The following GRIN3A variants were observed in gnomAD, a reference collection of about 807,000 sequenced individuals.
GRIN3A encodes the protein glutamate ionotropic receptor NMDA type subunit 3A.
A neutral mutation model predicts 92.4 loss-of-function variants in GRIN3A; 47 were observed. The observed-to-expected ratio is 0.51, with a 90% CI of 0.40 to 0.65. The LOEUF is 0.65. Ranked by LOEUF, GRIN3A falls within the 30% of genes least tolerant of loss-of-function variation. The pLI is 0.00. For missense variants in GRIN3A, 1,324 were observed against 1,393.1 expected (o/e 0.95, Z 0.79); for synonymous variants, 527 against 540.6 (o/e 0.97, Z 0.35).
intron 6 of GRIN3A, among the ~76,000 whole-genome samples, chr9:101,584,968 C>T (rs1017373360): frequency 1.3e-5 from 2 of 152,182 alleles, no homozygotes; most frequent in African/African-American, 2.4e-5. Context: ...CTTCCTTGTG[C>T]CCATTCCACA....
At chr9:101,650,066 A>G (rs1828994768) in intron 3 of GRIN3A, among the ~76,000 whole-genome samples, 1 of 152,088 alleles carries the variant, frequency 6.6e-6, no homozygotes, top group Non-Finnish European at 1.5e-5. Flanking sequence ...TCAGATTTCC[A>G]TGACAACTTT....
chr9:101,737,712 C>CCGGG lies in GRIN3A; in HGVS notation c.264_267dup (p.Ala90ProfsTer24). 3.9e-6 allele frequency: 6 copies of CCGGG among 1,530,226 alleles called. No homozygotes were observed. The highest frequency in any genetic ancestry group is 5.2e-6 in the Non-Finnish European group (6 of 1,144,696). The allele number at this position is 1,530,226 out of a possible 1,614,324, so 94.8% of individuals were successfully genotyped here. A position where few individuals can be genotyped will look rare whatever the true frequency, so the allele number is the denominator to read the frequency against. ...AACCAGCGTGCGCCCGGCGAGGGCGCCGGGGACCGCCTAGTCCCTGGCTCC... is the reference window on the plus strand; with the variant it reads ...AACCAGCGTGCGCCCGGCGAGGGCGCCGGGCGGGGACCGCCTAGTCCCTGGCTCC... On this transcript the variant is annotated frameshift_variant, in exon 1 of 9. Coordinates refer to ENST00000361820, the MANE Select transcript of GRIN3A (RefSeq NM_133445.3). LOFTEE classifies it high-confidence loss of function.
intron 3 of GRIN3A, among the ~76,000 whole-genome samples, chr9:101,631,938 C>T (rs1358084556): frequency 6.6e-6 from 1 of 152,122 alleles, no homozygotes; most frequent in Admixed American, 6.5e-5. Flanking sequence ...CTGATCATGT[C>T]CCTCACTTGC....
intron 6 of GRIN3A, among the ~76,000 whole-genome samples, chr9:101,602,226 C>T (rs189733539): frequency 1.5e-4 from 23 of 152,314 alleles, no homozygotes; most frequent in Middle Eastern, 3.4e-3. Context: ...CCTCAGATAC[C>T]CTGGAGGAAA....
chr9:101,604,867 T>G (rs563033229), intron 6 of GRIN3A, among the ~76,000 whole-genome samples: 1 of 152,236 alleles, frequency 6.6e-6, no homozygotes, highest in Non-Finnish European at 1.5e-5. Flanking sequence ...TATAGTTGAC[T>G]AACCCTTCCC....
intron 1 of GRIN3A, among the ~76,000 whole-genome samples, chr9:101,709,226 T>A (rs1012868910): frequency 2.0e-5 from 3 of 152,170 alleles, no homozygotes; most frequent in Non-Finnish European, 4.4e-5. Context: ...GTCAAATAGG[T>A]CTCAGAAAAT....
intron 1 of GRIN3A, among the ~76,000 whole-genome samples, chr9:101,715,245 C>T (rs1255105896): frequency 6.7e-6 from 1 of 148,186 alleles, no homozygotes; most frequent in Non-Finnish European, 1.5e-5. Context: ...CTATGCATAT[C>T]CAAGAGCCTG....
intron 1 of GRIN3A, among the ~76,000 whole-genome samples, chr9:101,714,280 G>A (rs1473679866): frequency 6.6e-6 from 1 of 151,960 alleles, no homozygotes; most frequent in Admixed American, 6.6e-5. Flanking sequence ...GACAATAATA[G>A]GATGGAATGA....
At position 101,572,760 on chromosome 9, in the gene GRIN3A, C is replaced by A; in HGVS notation, c.*414G>T. 4.5e-6 allele frequency: 1 copy of A among 222,310 alleles called. No homozygotes were observed. Among genetic ancestry groups the A allele is most frequent in the Non-Finnish European group, 9.1e-6 (1 of 109,592 alleles). 13.8% of individuals were successfully genotyped at this position (222,310 alleles called of 1,614,324 possible). A position where few individuals can be genotyped will look rare whatever the true frequency, so the allele number is the denominator to read the frequency against. ...TATCAAAAGCTACAACCCTAGATAA[C>A]CTCGTTCTGTGTTACGATGAAAACC... On this transcript the variant is annotated 3_prime_UTR_variant, in exon 9 of 9. Transcript: ENST00000361820.
In GRIN3A at chr9:101,649,822, T is replaced by G. The variant is rs182434052; in HGVS notation, c.2352+20238A>C. Among the ~76,000 whole-genome samples the G allele has an allele frequency of 1.7e-3, 253 of 152,114 alleles. 2 individuals are homozygous for G. Among genetic ancestry groups the G allele is most frequent in the African/African-American group, 5.8e-3 (239 of 41,528 alleles). ...ACACCAGGGCTTAACCTAGATGTCT[T>G]TTATTGACTGCAGTCTAGAAAATGT... On this transcript the variant is annotated intron_variant, in intron 3 of 8. Coordinates refer to ENST00000361820, the MANE Select transcript of GRIN3A (RefSeq NM_133445.3).
intron 1 of GRIN3A, among the ~76,000 whole-genome samples, chr9:101,697,673 G>C (rs1829700697): frequency 6.6e-6 from 1 of 152,142 alleles, no homozygotes; most frequent in Admixed American, 6.6e-5. Flanking sequence ...CAGTCCACCA[G>C]AAACCAATTA....
rs369839409 is a variant in GRIN3A, at chr9:101,671,376, T to C, written c.1305-269A>G. Among the ~76,000 whole-genome samples, 17 of 152,316 alleles carry C rather than the reference T, an allele frequency of 1.1e-4. No homozygotes were observed. The South Asian group carries it at 2.1e-3, about 19-fold the overall frequency. Reference sequence around the variant, plus strand: ...ACTCTTAGTCTTACTCCAAATGTTTTAATTCCTAGTTAAGAGATGTGTTAA... The same window carrying C: ...ACTCTTAGTCTTACTCCAAATGTTTCAATTCCTAGTTAAGAGATGTGTTAA... On this transcript the variant is annotated intron_variant, in intron 2 of 8. Coordinates refer to ENST00000361820, the MANE Select transcript of GRIN3A (RefSeq NM_133445.3).
At chr9:101,662,099 T>A (rs983462936) in intron 3 of GRIN3A, among the ~76,000 whole-genome samples, 6 of 151,832 alleles carry the variant, frequency 4.0e-5, no homozygotes, top group African/African-American at 1.4e-4. Flanking sequence ...TCGCATAACA[T>A]ACAAGGTAGC....
intron 2 of GRIN3A, among the ~76,000 whole-genome samples, chr9:101,672,488 A>G (rs1006033348): frequency 5.9e-5 from 9 of 152,206 alleles, no homozygotes; most frequent in African/African-American, 2.2e-4. Flanking sequence ...TTAAATTGAA[A>G]TGTAGAGTGG....
chr9:101,736,502 T>G (rs978552071), intron 1 of GRIN3A, among the ~76,000 whole-genome samples: 4 of 152,240 alleles, frequency 2.6e-5, no homozygotes, highest in African/African-American at 9.6e-5. Flanking sequence ...TTCCTTTTTT[T>G]TTTTAATTCT....
intron 3 of GRIN3A, among the ~76,000 whole-genome samples, chr9:101,642,564 T>A (rs1236683460): frequency 6.6e-6 from 1 of 152,180 alleles, no homozygotes; most frequent in Non-Finnish European, 1.5e-5. Context: ...GATAAAGTAT[T>A]TGCAAGCCAT....
chr9:101,699,964 T>C (rs1330944319), intron 1 of GRIN3A, among the ~76,000 whole-genome samples: 1 of 152,154 alleles, frequency 6.6e-6, no homozygotes, highest in Non-Finnish European at 1.5e-5. Flanking sequence ...CTTTCAAGGC[T>C]GTGTTCAGGT....
At chr9:101,610,050 A>T (rs1335505693) in intron 6 of GRIN3A, among the ~76,000 whole-genome samples, 2 of 152,202 alleles carry the variant, frequency 1.3e-5, no homozygotes, top group Non-Finnish European at 2.9e-5. Context: ...TGAGTCAGCT[A>T]TGGTCACAAC....
chr9:101,608,742 C>T (rs1403780111), intron 6 of GRIN3A, among the ~76,000 whole-genome samples: 1 of 152,176 alleles, frequency 6.6e-6, no homozygotes. Context: ...AATAATATGT[C>T]CTGGTATCAC....
Sources: gnomAD v4.1 joint callset for allele counts (sites outside exome capture counted in the v4.1 genomes callset) on GRCh38, gnomAD v4.1.1 for gene constraint, MANE v1.5 for transcripts, NCBI Gene and HGNC (gene_info 2026-07-23, HGNC 2026-07-21) for gene names.